Variants in MTERF4 observed in about 807,000 individuals in gnomAD.
MTERF4 encodes the protein transcription termination factor 4, mitochondrial.
Under a neutral mutation model 22.5 loss-of-function variants are expected in MTERF4, and 17 were observed. That is an observed-to-expected ratio of 0.75 (90% CI 0.52 to 1.13). The LOEUF is 1.13. Ranked by LOEUF, MTERF4 falls within the 50% of genes most tolerant of loss-of-function variation. MTERF4 has a pLI of 0.00. For synonymous variants in MTERF4, 165 were observed against 175.3 expected, an observed-to-expected ratio of 0.94 and a Z score of 0.47; for missense variants, 420 against 466.8, an observed-to-expected ratio of 0.90 and a Z score of 0.92.
chr2:241,057,842 AATAAG>A, the MTERF4 span, among the ~76,000 whole-genome samples: 1 of 152,248 alleles, frequency 6.6e-6, no homozygotes, highest in South Asian at 2.1e-4. Flanking sequence ...GTAAGATAAT[AATAAG>A]ATAATAAGAT....
chr2:241,057,761 T>C, the MTERF4 span, among the ~76,000 whole-genome samples: 1 of 151,992 alleles, frequency 6.6e-6, no homozygotes, highest in Non-Finnish European at 1.5e-5. Flanking sequence ...TGTGAGACCA[T>C]AAAAAAATAT....
At chr2:241,072,058 C>T (rs1575063846), downstream of MTERF4, 4 of 709,874 alleles carry the variant, frequency 5.6e-6, no homozygotes, top group East Asian at 1.1e-4. Flanking sequence ...GCAGCATGCA[C>T]CTCCATGGCA....
chr2:241,094,041 G>A, downstream of MTERF4: 3 of 320,324 alleles, frequency 9.4e-6, no homozygotes, highest in Non-Finnish European at 1.8e-5. The surrounding 1 kb of genome is among the most constrained non-coding windows in gnomAD (Gnocchi z 4.3). Flanking sequence ...CTAGGTTCTA[G>A]GGAGGGTGGC....
the MTERF4 span, chr2:241,052,447 A>G: frequency 6.2e-7 from 1 of 1,610,274 alleles, no homozygotes; most frequent in Non-Finnish European, 8.5e-7. Flanking sequence ...AGCAGGGTAC[A>G]TGGGACGCCG....
the MTERF4 span, among the ~76,000 whole-genome samples, chr2:241,043,798 G>A: frequency 1.3e-5 from 2 of 152,186 alleles, no homozygotes; most frequent in Non-Finnish European, 2.9e-5. Flanking sequence ...CCATTGTAAT[G>A]TGAAAGCAGC....
At chr2:241,051,627 C>A in the MTERF4 span, 1 of 811,472 alleles carries the variant, frequency 1.2e-6, no homozygotes, top group Non-Finnish European at 1.8e-6. This position sits in a 1 kb window ranked among gnomAD's most constrained non-coding sequence, Gnocchi z 4.7. Context: ...GGCCCCAGGG[C>A]TTCGTCGAGA....
the MTERF4 span, among the ~76,000 whole-genome samples, chr2:241,054,606 CGTG>C: frequency 6.6e-6 from 1 of 152,062 alleles, no homozygotes; most frequent in African/African-American, 2.4e-5. Context: ...ATAAAATAAC[CGTG>C]ACAAATTTAC....
At chr2:241,049,735 C>A in the MTERF4 span, 1 of 1,015,152 alleles carries the variant, frequency 9.9e-7, no homozygotes, top group Non-Finnish European at 1.5e-6. Flanking sequence ...GTAACCCTGG[C>A]AGGCAAGGTG....
At chr2:241,070,291 G>T, downstream of MTERF4, 1 of 1,354,822 alleles carries the variant, frequency 7.4e-7, no homozygotes, top group Non-Finnish European at 9.9e-7. Context: ...CAGGGGCCTG[G>T]GATGCCAGGC....
downstream of MTERF4, chr2:241,094,279 C>T (rs746837415): frequency 4.3e-6 from 2 of 469,238 alleles, no homozygotes; most frequent in South Asian, 3.1e-5. The surrounding 1 kb of genome is among the most constrained non-coding windows in gnomAD (Gnocchi z 4.3). Context: ...CAGCTCACCT[C>T]CTGCACCTCC....
At chr2:241,070,082 C>A (rs773042335), downstream of MTERF4, 1 of 1,613,088 alleles carries the variant, frequency 6.2e-7, no homozygotes, top group Non-Finnish European at 8.5e-7. Context: ...GGGAAGCTGG[C>A]GTCCTACACG....
chr2:241,057,390 T>A, the MTERF4 span, among the ~76,000 whole-genome samples: 59 of 135,326 alleles, frequency 4.4e-4, no homozygotes, highest in African/African-American at 1.7e-3. Flanking sequence ...AATATATATA[T>A]ATATATATAT....
At chr2:241,048,486 G>C in the MTERF4 span, 1 of 1,558,072 alleles carries the variant, frequency 6.4e-7, no homozygotes, top group East Asian at 2.3e-5. Context: ...TGGGGCAGGA[G>C]ACCCAGGGAG....
At chr2:241,091,391 G>T (rs1360663554), downstream of MTERF4, among the ~76,000 whole-genome samples, 1 of 128,650 alleles carries the variant, frequency 7.8e-6, no homozygotes, top group African/African-American at 3.8e-5. The surrounding 1 kb of genome is among the most constrained non-coding windows in gnomAD (Gnocchi z 4.1). Context: ...TAAAGATGGG[G>T]ATGTAGTCGG....
At chr2:241,100,742 T>C (rs535329104) in intron 1 of MTERF4, among the ~76,000 whole-genome samples, 8 of 152,346 alleles carry the variant, frequency 5.3e-5, no homozygotes, top group African/African-American at 1.9e-4. Context: ...ATACAAGATA[T>C]GTGTTAACTG....
chr2:241,085,828 C>A (rs1397236561), downstream of MTERF4, among the ~76,000 whole-genome samples: 1 of 149,174 alleles, frequency 6.7e-6, no homozygotes, highest in African/African-American at 2.5e-5. Context: ...TTAATTTTGC[C>A]CTAGTTCTAT....
chr2:241,088,541 TAC>T (rs1450175097), downstream of MTERF4: 10 of 713,892 alleles, frequency 1.4e-5, no homozygotes, highest in Non-Finnish European at 2.5e-5. Flanking sequence ...GCTGCTGTGT[TAC>T]AGACTCCCGG....
chr2:241,097,564 A>G, intron 2 of MTERF4, 137 bp from the exon 3 acceptor site: 1 of 754,466 alleles, frequency 1.3e-6, no homozygotes. Flanking sequence ...TGGCAATTTC[A>G]GATCTATCTT....
chr2:241,062,783 CCT>C, the MTERF4 span: 2 of 1,596,954 alleles, frequency 1.3e-6, no homozygotes, highest in Non-Finnish European at 1.7e-6. Flanking sequence ...TGGGCTCTCT[CCT>C]CTCAGAAATC....
Sources: allele counts gnomAD v4.1 joint callset (sites outside exome capture counted in the v4.1 genomes callset), GRCh38; gene constraint gnomAD v4.1.1; non-coding constraint Gnocchi (gnomAD v3.1); transcripts MANE v1.5; gene names NCBI Gene and HGNC (gene_info 2026-07-23, HGNC 2026-07-21).